The following PODNL1 variants were observed in gnomAD, a reference collection of about 807,000 sequenced individuals.
PODNL1 encodes podocan-like protein 1.
Under a neutral mutation model 45.1 loss-of-function variants are expected in PODNL1, and 50 were observed. The ratio of observed to expected loss-of-function variants is 1.11; its 90% CI spans 0.88 to 1.40. PODNL1 has a LOEUF of 1.40. Among genes scored for constraint, PODNL1 ranks in the 40% most tolerant of loss-of-function variants. The pLI is 0.00. For synonymous variants in PODNL1, 406 were observed against 372.5 expected (o/e 1.09, Z -1.04); for missense variants, 788 against 793.3 (o/e 0.99, Z 0.08).
chr19:13,934,336 A>T lies in PODNL1; in HGVS notation c.569T>A (p.Ile190Asn). 3 of 1,555,594 alleles carry T rather than the reference A, an allele frequency of 1.9e-6. No homozygotes were observed. The highest frequency in any genetic ancestry group is 2.6e-6 in the Non-Finnish European group (3 of 1,154,796). The change falls in exon 6 of 10, where the codon ATC becomes AAC. Residue 190 changes from isoleucine (I) to asparagine (N), a missense_variant. Around this residue, in one of 3 missense-constraint regions of PODNL1, gnomAD observed 762 missense variants for 750.9 expected, o/e 1.01. Transcript: ENST00000588872. ...GTTGTTGGAGAGGCTGAGGGTGGCG[A>T]TGGCCTCGGAGCCGCGGAAGGCGTC... ...PPDAFRGSEA[I>N]ATLSLSNNQL...
At chr19:13,934,752 G>A (rs1306936669) in intron 5 of PODNL1, among the ~76,000 whole-genome samples, 1 of 151,996 alleles carries the variant, frequency 6.6e-6, no homozygotes, top group African/African-American at 2.4e-5. Context: ...GTATATGCAA[G>A]TGTGTGCTAT....
In PODNL1 at chr19:13,933,148, G is replaced by A. The variant is rs888257358; in HGVS notation, c.1075C>T (p.Pro359Ser). 1 of 1,530,140 alleles carries A rather than the reference G, an allele frequency of 6.5e-7. No homozygotes were observed. 94.8% of individuals were successfully genotyped at this position (1,530,140 alleles called of 1,614,324 possible). A position where few individuals can be genotyped will look rare whatever the true frequency, so the allele number is the denominator to read the frequency against. ...LPRRLRALVL[P>S]HNHVAALGAR... Reference sequence around the variant, plus strand: ...CCCAGCGCGGCCACGTGGTTGTGGGGCAGCACCAGGGCACGCAGGCGGCGG... The same window carrying A: ...CCCAGCGCGGCCACGTGGTTGTGGGACAGCACCAGGGCACGCAGGCGGCGG... Residue 359 changes from proline (P) to serine (S), a missense_variant, in exon 8 of 10, where the codon CCC (proline) becomes TCC (serine). By Grantham distance (74) the Pro-to-Ser change is moderately conservative. Coordinates refer to ENST00000588872, the MANE Select transcript of PODNL1 (RefSeq NM_001370095.3). The surrounding 1 kb of genome is among the most constrained non-coding windows in gnomAD (Gnocchi z 5.2).
rs555543800 is a variant in PODNL1 at position 13,932,993 on chromosome 19, C to G, written c.1230G>C (p.Gly410=). 4.1e-4 allele frequency: 640 copies of G among 1,548,434 alleles called. 5 individuals carry two copies. The highest frequency in any genetic ancestry group is 4.3e-5 in the Non-Finnish European group (50 of 1,152,844). The change falls in exon 8 of 10, where the codon GGG becomes GGC. Residue 410 remains glycine, a synonymous_variant. Coordinates refer to ENST00000588872, the MANE Select transcript of PODNL1 (RefSeq NM_001370095.3). ...CCATGGGCAGCCGGGTTAGCTGATTCCCTGCCAGGTCGAGGCTGCGCAGGG... is the reference window on the plus strand; with the variant it reads ...CCATGGGCAGCCGGGTTAGCTGATTGCCTGCCAGGTCGAGGCTGCGCAGGG... ...LRALRSLDLA[G]NQLTRLPMGL... is the part of the protein sequence containing the mutation.
chr19:13,947,238 T>C (rs1221016000), intron 1 of PODNL1, among the ~76,000 whole-genome samples: 1 of 144,458 alleles, frequency 6.9e-6, no homozygotes, highest in African/African-American at 2.6e-5. Flanking sequence ...CCCAGCACTT[T>C]AGGAGGCCAA....
upstream of PODNL1, among the ~76,000 whole-genome samples, chr19:13,943,126 G>A (rs138698213): frequency 4.1e-3 from 614 of 150,444 alleles, 4 homozygotes; most frequent in African/African-American, 0.014. Flanking sequence ...GATAAACCCC[G>A]TCTCTACTAA....
Position 13,933,439 on chromosome 19 carries a change from C to A in PODNL1, c.784G>T (p.Glu262Ter), listed in dbSNP as rs752555756. Residue 262 changes from glutamate to a stop codon, truncating the protein, a stop_gained, in exon 8 of 10, where the codon GAA (glutamate) becomes TAA (stop). Transcript: ENST00000588872. LOFTEE classifies it high-confidence loss of function. This position sits in a 1 kb window ranked among gnomAD's most constrained non-coding sequence, Gnocchi z 5.2. ...TGGTTGTGGGAGAGATCCAGGTATT[C>A]AAGGCTATGCAGCTTGCTGGAAGGA... ...ATTFSKLHSL[E>*]YLDLSHNQLT... 6.4e-6 allele frequency: 10 copies of A among 1,574,246 alleles called. No homozygotes were observed. The South Asian group carries it at 1.1e-4, about 18-fold the overall frequency.
intron 1 of PODNL1, among the ~76,000 whole-genome samples, chr19:13,947,172 A>G (rs868428337): frequency 3.4e-5 from 3 of 87,590 alleles, no homozygotes; most frequent in East Asian, 3.5e-4. Flanking sequence ...CCATCTCAGA[A>G]AAAAAAAAAA....
intron 1 of PODNL1, among the ~76,000 whole-genome samples, chr19:13,943,641 T>G (rs970567793): frequency 2.0e-5 from 3 of 152,136 alleles, no homozygotes; most frequent in African/African-American, 7.2e-5. Context: ...TTTTTGTGTT[T>G]TTAGTAGAGA....
chr19:13,938,062 G>A (rs1450217118), intron 1 of PODNL1, 56 bp from the exon 2 acceptor site: 1 of 1,455,560 alleles, frequency 6.9e-7, no homozygotes, highest in African/African-American at 1.4e-5. Context: ...TCGCCATGGT[G>A]ACTGGAGCAT....
intron 6 of PODNL1, 40 bp from the exon 7 acceptor site, chr19:13,934,033 G>A: frequency 2.6e-6 from 4 of 1,538,530 alleles, no homozygotes; most frequent in Non-Finnish European, 3.5e-6. Flanking sequence ...AGTCTGGGAT[G>A]AGGGCAGCGG....
chr19:13,951,974 C>T (rs908549430), intron 1 of PODNL1, among the ~76,000 whole-genome samples: 7 of 152,220 alleles, frequency 4.6e-5, no homozygotes, highest in Non-Finnish European at 7.3e-5. Context: ...CCCACCAACC[C>T]GCCCATCGGA....
intron 1 of PODNL1, among the ~76,000 whole-genome samples, chr19:13,947,170 GAAAAA>G (rs758733245): frequency 3.7e-5 from 1 of 27,040 alleles, no homozygotes; most frequent in Non-Finnish European, 7.5e-5. Flanking sequence ...CTCCATCTCA[GAAAAA>G]AAAAAAAAAA....
chr19:13,935,903 C>G, intron 4 of PODNL1, 73 bp from the exon 5 acceptor site: 1 of 1,539,982 alleles, frequency 6.5e-7, no homozygotes, highest in Non-Finnish European at 8.8e-7. Flanking sequence ...GCAGAGCTGT[C>G]CCCTCCACAC....
intron 1 of PODNL1, among the ~76,000 whole-genome samples, chr19:13,944,746 C>T (rs1205868857): frequency 6.6e-6 from 1 of 151,554 alleles, no homozygotes; most frequent in African/African-American, 2.4e-5. Flanking sequence ...TGAGCCACTA[C>T]TCCTGGCCTG....
At position 13,933,254 on chromosome 19, in the gene PODNL1, G is replaced by T; in HGVS notation, c.969C>A (p.Ala323=). ...HNQLGSSGLP[A]GALRPLRGLH... The stretch of plus-strand genomic sequence containing the variant: ...GGCCCCGCAGCGGCCGCAGAGCCCC[G>T]GCGGGCAGCCCTGAGCTCCCCAGCT... Residue 323 remains alanine, a synonymous_variant, in exon 8 of 10, where the codon GCC becomes GCA. Transcript: ENST00000588872. This position sits in a 1 kb window ranked among gnomAD's most constrained non-coding sequence, Gnocchi z 5.2. 6.4e-6 allele frequency: 10 copies of T among 1,551,620 alleles called. No homozygotes were observed. The highest frequency in any genetic ancestry group is 8.7e-6 in the Non-Finnish European group (10 of 1,153,740).
chr19:13,950,938 G>A (rs1972987808), intron 1 of PODNL1, among the ~76,000 whole-genome samples: 1 of 151,792 alleles, frequency 6.6e-6, no homozygotes, highest in Non-Finnish European at 1.5e-5. Flanking sequence ...CCAGCTACTT[G>A]GGAGGCTGAG....
chr19:13,950,766 C>A (rs116634264), intron 1 of PODNL1, among the ~76,000 whole-genome samples: 1 of 152,038 alleles, frequency 6.6e-6, no homozygotes, highest in African/African-American at 2.4e-5. Context: ...TTGTGATGGC[C>A]GGGCGCAGTG....
chr19:13,948,774 C>CAAAAAAA (rs781038849), intron 1 of PODNL1, among the ~76,000 whole-genome samples: 7 of 68,190 alleles, frequency 1.0e-4, no homozygotes, highest in African/African-American at 2.5e-4. Context: ...CCTGCCTCTA[C>CAAAAAAA]AAAAAAAAAA....
rs767820910 is a variant in PODNL1 at position 13,933,239 on chromosome 19, C to A, written c.984G>T (p.Pro328=). Residue 328 remains proline (P), a synonymous_variant, in exon 8 of 10, where the codon CCG becomes CCT. Transcript: ENST00000588872. The surrounding 1 kb of genome is among the most constrained non-coding windows in gnomAD (Gnocchi z 5.2). ...GGTGCAGCGTGTGCAGGCCCCGCAG[C>A]GGCCGCAGAGCCCCGGCGGGCAGCC... ...SSGLPAGALR[P]LRGLHTLHLY... The A allele has an allele frequency of 1.3e-6, 2 of 1,543,838 alleles. No homozygotes were observed. The highest frequency in any genetic ancestry group is 2.4e-5 in the East Asian group (1 of 41,470).
Sources: allele counts gnomAD v4.1 joint callset (sites outside exome capture counted in the v4.1 genomes callset), GRCh38; gene constraint gnomAD v4.1.1; regional missense constraint gnomAD v4.1.1; non-coding constraint Gnocchi (gnomAD v3.1); transcripts MANE v1.5; gene names NCBI Gene and HGNC (gene_info 2026-07-23, HGNC 2026-07-21).